The following GMDS variants were observed in gnomAD, a reference collection of about 807,000 sequenced individuals.
The protein encoded by GMDS is GDP-mannose 4,6 dehydratase.
GMDS carries 20 observed loss-of-function variants against 49.9 expected under a neutral mutation model. The ratio of observed to expected loss-of-function variants is 0.40; its 90% CI spans 0.28 to 0.58. The LOEUF (loss-of-function observed/expected upper bound fraction) is 0.58, where lower values mean the gene tolerates loss of function less well. Ranked by LOEUF, GMDS falls within the 20% of genes least tolerant of loss-of-function variation. The pLI is 0.42. For synonymous variants in GMDS, 177 were observed against 178.6 expected (o/e 0.99, Z 0.07); for missense variants, 362 against 481.4 (o/e 0.75, Z 2.32).
At chr6:1,747,728 C>T (rs1767566566) in intron 7 of GMDS, among the ~76,000 whole-genome samples, 1 of 152,236 alleles carries the variant, frequency 6.6e-6, no homozygotes, top group Non-Finnish European at 1.5e-5. Flanking sequence ...TTGTGGTCAG[C>T]CAAGCCTTAT....
intron 4 of GMDS, among the ~76,000 whole-genome samples, chr6:2,021,296 T>C (rs1423971801): frequency 6.6e-6 from 1 of 152,206 alleles, no homozygotes; most frequent in African/African-American, 2.4e-5. Context: ...CATCTTTATC[T>C]ACTGGAACCT....
chr6:2,197,186 T>C (rs1326383554), intron 1 of GMDS, among the ~76,000 whole-genome samples: 3 of 152,198 alleles, frequency 2.0e-5, no homozygotes, highest in Admixed American at 1.3e-4. Context: ...CTGGCTTTAG[T>C]AGGAGGTGAT....
intron 9 of GMDS, among the ~76,000 whole-genome samples, chr6:1,678,181 C>T (rs2814813): frequency 6.6e-6 from 1 of 151,840 alleles, no homozygotes; most frequent in African/African-American, 2.4e-5. Flanking sequence ...GTTCTCAAGG[C>T]GAAGATCAGG....
intron 1 of GMDS, among the ~76,000 whole-genome samples, chr6:2,140,760 C>A (rs1046379011): frequency 6.6e-5 from 10 of 152,142 alleles, no homozygotes; most frequent in African/African-American, 1.9e-4. Flanking sequence ...CAAAAACGAT[C>A]GAAGGTTTTT....
chr6:2,161,408 A>G (rs1441294636), intron 1 of GMDS, among the ~76,000 whole-genome samples: 3 of 152,186 alleles, frequency 2.0e-5, no homozygotes, highest in Admixed American at 6.5e-5. Context: ...AACAAATGAC[A>G]CGACTGACCA....
chr6:2,067,809 G>A (rs1771712654), intron 4 of GMDS, among the ~76,000 whole-genome samples: 3 of 152,174 alleles, frequency 2.0e-5, no homozygotes, highest in South Asian at 4.1e-4. Context: ...GGACCAGATG[G>A]ATTCACAGCC....
At chr6:1,885,602 G>A (rs534040238) in intron 7 of GMDS, among the ~76,000 whole-genome samples, 57 of 152,302 alleles carry the variant, frequency 3.7e-4, no homozygotes, top group African/African-American at 1.3e-3. Flanking sequence ...TGACAAGGTC[G>A]TGACTGTTCC....
intron 7 of GMDS, among the ~76,000 whole-genome samples, chr6:1,877,644 T>TAAAAAAAAAA (rs60037634): frequency 1.1e-5 from 1 of 90,510 alleles, no homozygotes; most frequent in Admixed American, 1.3e-4. Flanking sequence ...TCTCAAAAAT[T>TAAAAAAAAAA]AAAAAAAAAA....
rs114080719 is a variant in GMDS, at chr6:2,107,546, G to A, written c.345+8225C>T. Among the ~76,000 whole-genome samples the A allele has an allele frequency of 7.3e-3, 1,117 of 152,278 alleles. 13 individuals carry two copies. The highest frequency in any genetic ancestry group is 0.026 in the African/African-American group (1,067 of 41,550). ...AAAAGGTTTCGTATTGCAATTTTGCGCTGTAACAAATAAAAGTGGTTACAA... is the reference window on the plus strand; with the variant it reads ...AAAAGGTTTCGTATTGCAATTTTGCACTGTAACAAATAAAAGTGGTTACAA... On this transcript the variant is annotated intron_variant, in intron 4 of 10. Coordinates refer to ENST00000380815, the MANE Select transcript of GMDS (RefSeq NM_001500.4).
At chr6:2,180,494 G>A (rs553595964) in intron 1 of GMDS, among the ~76,000 whole-genome samples, 1 of 152,294 alleles carries the variant, frequency 6.6e-6, no homozygotes, top group Non-Finnish European at 1.5e-5. Flanking sequence ...TCAAGACTTA[G>A]AATATGAAAA....
intron 4 of GMDS, among the ~76,000 whole-genome samples, chr6:2,037,702 AAAG>A (rs1337990318): frequency 2.6e-5 from 4 of 152,264 alleles, no homozygotes; most frequent in Middle Eastern, 3.4e-3. Flanking sequence ...CTGTGAATAG[AAAG>A]AAGTGGTTGC....
intron 4 of GMDS, among the ~76,000 whole-genome samples, chr6:1,997,254 A>T (rs1766340860): frequency 6.6e-6 from 1 of 152,088 alleles, no homozygotes; most frequent in Non-Finnish European, 1.5e-5. Flanking sequence ...TCATGCCTGT[A>T]ATCACAGCAC....
intron 1 of GMDS, among the ~76,000 whole-genome samples, chr6:2,232,493 C>T (rs539263752): frequency 1.3e-5 from 2 of 152,322 alleles, no homozygotes; most frequent in East Asian, 1.9e-4. Flanking sequence ...CCACTCACAT[C>T]CACTTTCATG....
intron 4 of GMDS, among the ~76,000 whole-genome samples, chr6:2,074,260 G>A (rs1772186813): frequency 6.6e-6 from 1 of 152,112 alleles, no homozygotes; most frequent in Admixed American, 6.5e-5. Context: ...ACATTTCCCT[G>A]ACACTTAGTG....
intron 4 of GMDS, among the ~76,000 whole-genome samples, chr6:2,048,083 TAC>T (rs1214461165): frequency 2.0e-5 from 3 of 152,212 alleles, no homozygotes; most frequent in Admixed American, 6.5e-5. Context: ...TATTCATGTG[TAC>T]ACATTCTCAC....
intron 7 of GMDS, among the ~76,000 whole-genome samples, chr6:1,846,080 CTTTTTTTTT>C (rs11298909): frequency 8.2e-6 from 1 of 121,650 alleles, no homozygotes; most frequent in Non-Finnish European, 1.8e-5. Flanking sequence ...CACCATGTTT[CTTTTTTTTT>C]TTTTTTTTTT....
intron 9 of GMDS, among the ~76,000 whole-genome samples, chr6:1,694,967 A>G (rs1422738838): frequency 6.6e-6 from 1 of 152,178 alleles, no homozygotes; most frequent in African/African-American, 2.4e-5. Context: ...AATACCACAG[A>G]GGAGGGTGCC....
At chr6:1,877,716 G>C (rs1759148525) in intron 7 of GMDS, among the ~76,000 whole-genome samples, 2 of 147,952 alleles carry the variant, frequency 1.4e-5, no homozygotes, top group African/African-American at 2.5e-5. Flanking sequence ...GACATTTAAA[G>C]AATGAAAAGG....
chr6:2,200,941 G>C (rs1435923938), intron 1 of GMDS, among the ~76,000 whole-genome samples: 1 of 145,888 alleles, frequency 6.9e-6, no homozygotes, highest in African/African-American at 2.6e-5. Flanking sequence ...CATGTTAGCA[G>C]AGAGATGAAG....
Sources: gnomAD v4.1 joint callset for allele counts (sites outside exome capture counted in the v4.1 genomes callset) on GRCh38, gnomAD v4.1.1 for gene constraint, MANE v1.5 for transcripts, NCBI Gene and HGNC (gene_info 2026-07-23, HGNC 2026-07-21) for gene names.